DDC: variants seen among roughly 807,000 people sequenced by gnomAD.
DDC encodes the protein aromatic-L-amino-acid decarboxylase.
DDC carries 43 observed loss-of-function variants against 60.0 expected under a neutral mutation model. The ratio of observed to expected loss-of-function variants is 0.72; its 90% CI spans 0.56 to 0.92. The LOEUF (loss-of-function observed/expected upper bound fraction) is 0.92. DDC is among the 40% of genes least tolerant of loss of function. The pLI, the probability that DDC is intolerant of heterozygous loss-of-function variation, is 0.00. For missense variants in DDC, 573 were observed against 620.2 expected, an observed-to-expected ratio of 0.92 and a Z score of 0.81; for synonymous variants, 232 against 234.6, an observed-to-expected ratio of 0.99 and a Z score of 0.10.
chr7:50,477,407 G>A (rs2153535709), intron 10 of DDC, among the ~76,000 whole-genome samples: 1 of 152,338 alleles, frequency 6.6e-6, no homozygotes, highest in South Asian at 2.1e-4. Flanking sequence ...TGCTCTGGGA[G>A]TAGATCCACG....
intron 4 of DDC, among the ~76,000 whole-genome samples, chr7:50,529,939 G>A (rs2153546154): frequency 6.6e-6 from 1 of 152,174 alleles, no homozygotes; most frequent in African/African-American, 2.4e-5. Context: ...AAAGAAAATG[G>A]GGTCACATGG....
intron 1 of DDC, among the ~76,000 whole-genome samples, chr7:50,559,950 C>A (rs1264989656): frequency 6.6e-6 from 1 of 152,210 alleles, no homozygotes; most frequent in African/African-American, 2.4e-5. Context: ...TTCACACTGG[C>A]TGTGTGTAGA....
intron 7 of DDC, among the ~76,000 whole-genome samples, chr7:50,502,723 G>T (rs1397176404): frequency 6.6e-6 from 1 of 152,248 alleles, no homozygotes; most frequent in African/African-American, 2.4e-5. Flanking sequence ...CCTCCCAGTA[G>T]TTCCCAGCAC....
intron 4 of DDC, among the ~76,000 whole-genome samples, chr7:50,534,615 A>G (rs1253472231): frequency 6.6e-6 from 1 of 151,046 alleles, no homozygotes; most frequent in Non-Finnish European, 1.5e-5. Context: ...GACAAAATAA[A>G]AAAAAAAAAT....
chr7:50,545,833 A>G (rs901804680), intron 1 of DDC, among the ~76,000 whole-genome samples: 2 of 152,178 alleles, frequency 1.3e-5, no homozygotes, highest in African/African-American at 4.8e-5. Context: ...CACAGCCAAC[A>G]GCACTGTAAC....
At chr7:50,516,668 T>C (rs1380681668) in intron 6 of DDC, among the ~76,000 whole-genome samples, 1 of 151,352 alleles carries the variant, frequency 6.6e-6, no homozygotes, top group Non-Finnish European at 1.5e-5. Context: ...TAAATAAAAT[T>C]GATAGACCAT....
chr7:50,530,616 A>G (rs1051146108), intron 4 of DDC, among the ~76,000 whole-genome samples: 5 of 152,166 alleles, frequency 3.3e-5, no homozygotes, highest in Non-Finnish European at 5.9e-5. Flanking sequence ...ACTTGCCCCA[A>G]ATCAGCAGCT....
Position 50,470,110 on chromosome 7 carries a change from A to G in DDC, c.1103T>C (p.Met368Thr), listed in dbSNP as rs749499287. ...AGCCTGCAGTCCTTTGACTCCATAC[A>G]TCCTAAATACAAACCACATTTTCAA... ...RSLKMWFVFR[M>T]YGVKGLQAYI... The change falls in exon 12 of 15, where the codon ATG (methionine) becomes ACG (threonine). Residue 368 changes from methionine (M) to threonine (T), a missense_variant. Transcript: ENST00000444124. 3 of 1,613,734 alleles carry G rather than the reference A, an allele frequency of 1.9e-6. No homozygotes were observed. Among genetic ancestry groups the G allele is most frequent in the Non-Finnish European group, 2.5e-6 (3 of 1,179,618 alleles).
chr7:50,491,270 G>GTT (rs1213292435), intron 9 of DDC, among the ~76,000 whole-genome samples: 1 of 152,132 alleles, frequency 6.6e-6, no homozygotes, highest in Non-Finnish European at 1.5e-5. Flanking sequence ...GAGTAATACG[G>GTT]TTTATGTCAG....
chr7:50,546,617 A>G (rs773269123), intron 1 of DDC, among the ~76,000 whole-genome samples: 1 of 152,236 alleles, frequency 6.6e-6, no homozygotes, highest in Non-Finnish European at 1.5e-5. Context: ...TAAACCTGCT[A>G]GAATGTGCTT....
intron 11 of DDC, 28 bp downstream of exon 11, chr7:50,476,596 T>C: frequency 6.2e-7 from 1 of 1,600,428 alleles, no homozygotes. Flanking sequence ...CACTAGCATT[T>C]GAGATTACAG....
intron 9 of DDC, among the ~76,000 whole-genome samples, chr7:50,495,131 G>A (rs979964021): frequency 4.6e-5 from 7 of 152,164 alleles, no homozygotes; most frequent in Non-Finnish European, 8.8e-5. Context: ...TCCTTTTTAG[G>A]CTTCTCATTT....
At chr7:50,474,609 C>A (rs1282887628) in intron 11 of DDC, among the ~76,000 whole-genome samples, 3 of 152,200 alleles carry the variant, frequency 2.0e-5, no homozygotes, top group Non-Finnish European at 4.4e-5. Context: ...TAGATGCGGG[C>A]AGAGCTGGGC....
intron 9 of DDC, chr7:50,492,788 T>A: frequency 6.8e-7 from 1 of 1,464,084 alleles, no homozygotes; most frequent in South Asian, 1.4e-5. Flanking sequence ...CACAGGCTGG[T>A]GGCTGAACTG....
At chr7:50,479,976 A>C in intron 9 of DDC, 113 bp from the exon 10 acceptor site, 1 of 757,694 alleles carries the variant, frequency 1.3e-6, no homozygotes, top group Non-Finnish European at 2.3e-6. Flanking sequence ...CCTGCCCTGA[A>C]CACCACTCTG....
intron 6 of DDC, among the ~76,000 whole-genome samples, chr7:50,505,113 C>G (rs561070486): frequency 6.6e-6 from 1 of 152,304 alleles, no homozygotes; most frequent in East Asian, 1.9e-4. Flanking sequence ...TGTGGTGCCA[C>G]GATCGCACTG....
chr7:50,519,734 G>A (rs1369758846), intron 6 of DDC, among the ~76,000 whole-genome samples: 2 of 152,020 alleles, frequency 1.3e-5, no homozygotes, highest in African/African-American at 2.4e-5. Context: ...TTGGGGACTT[G>A]GGGGGAAGAG....
chr7:50,471,972 A>G (rs1368578893), intron 11 of DDC, among the ~76,000 whole-genome samples: 1 of 152,222 alleles, frequency 6.6e-6, no homozygotes, highest in Admixed American at 6.5e-5. Flanking sequence ...AACATTTGGA[A>G]GAATACCAAG....
chr7:50,555,132 G>A (rs1196370598), intron 1 of DDC, among the ~76,000 whole-genome samples: 1 of 152,152 alleles, frequency 6.6e-6, no homozygotes, highest in Non-Finnish European at 1.5e-5. Context: ...GGCTTGCCGG[G>A]TCAGCAGGCA....
Sources: gnomAD v4.1 joint callset for allele counts (sites outside exome capture counted in the v4.1 genomes callset) on GRCh38, gnomAD v4.1.1 for gene constraint, MANE v1.5 for transcripts, NCBI Gene and HGNC (gene_info 2026-07-23, HGNC 2026-07-21) for gene names.